The following SMIM35 variants were observed in gnomAD, a reference collection of about 807,000 sequenced individuals.
SMIM35 encodes TMPRSS4 antisense RNA 1 (non-protein coding).
At chr11:118,064,684 C>A (rs1944442640) in intron 1 of SMIM35, among the ~76,000 whole-genome samples, 1 of 151,482 alleles carries the variant, frequency 6.6e-6, no homozygotes, top group Non-Finnish European at 1.5e-5. Flanking sequence ...CGCTTTGTTG[C>A]CTAGGCTGGA....
At chr11:118,007,447 G>C (rs1384296532) in intron 4 of SMIM35, among the ~76,000 whole-genome samples, 1 of 152,098 alleles carries the variant, frequency 6.6e-6, no homozygotes, top group African/African-American at 2.4e-5. Flanking sequence ...CCAGGCTGGA[G>C]TGCAGTGGTG....
chr11:118,086,367 A>G (rs1438424528), intron 1 of SMIM35, among the ~76,000 whole-genome samples: 1 of 152,238 alleles, frequency 6.6e-6, no homozygotes, highest in African/African-American at 2.4e-5. Flanking sequence ...GCTCGGCTCA[A>G]ATTGCCAATA....
intron 1 of SMIM35, among the ~76,000 whole-genome samples, chr11:118,053,081 G>T (rs971258620): frequency 3.3e-5 from 5 of 152,154 alleles, no homozygotes; most frequent in African/African-American, 7.2e-5. Context: ...CATGACGGGT[G>T]GATTACCTGA....
chr11:118,029,318 T>A (rs1183362362), intron 1 of SMIM35, among the ~76,000 whole-genome samples: 1 of 152,202 alleles, frequency 6.6e-6, no homozygotes, highest in Non-Finnish European at 1.5e-5. Context: ...TAGCTAGGCA[T>A]GGTGGCACAC....
chr11:118,068,239 A>T (rs1163064994), intron 1 of SMIM35, among the ~76,000 whole-genome samples: 1 of 151,864 alleles, frequency 6.6e-6, no homozygotes, highest in Non-Finnish European at 1.5e-5. Flanking sequence ...TCTGGACTGG[A>T]TGCTCTTCCT....
chr11:118,025,829 G>T (rs185152205), intron 1 of SMIM35: 2 of 445,066 alleles, frequency 4.5e-6, no homozygotes, highest in Non-Finnish European at 8.9e-6. Flanking sequence ...TATTTTTGTC[G>T]TAACTGCTTT....
At chr11:118,024,470 CTGTTTTGTTT>C (rs576729622) in intron 1 of SMIM35, among the ~76,000 whole-genome samples, 1 of 151,922 alleles carries the variant, frequency 6.6e-6, no homozygotes, top group Non-Finnish European at 1.5e-5. Context: ...TTGTTTTGTT[CTGTTTTGTTT>C]TGTTTTGTTT....
chr11:118,018,123 G>A (rs1201572583), intron 1 of SMIM35, among the ~76,000 whole-genome samples: 1 of 152,160 alleles, frequency 6.6e-6, no homozygotes, highest in East Asian at 1.9e-4. Flanking sequence ...GCAGGAGCAT[G>A]CCTAGCAGGT....
At chr11:118,065,469 C>A (rs1012455747) in intron 1 of SMIM35, among the ~76,000 whole-genome samples, 1 of 152,238 alleles carries the variant, frequency 6.6e-6, no homozygotes, top group Non-Finnish European at 1.5e-5. Context: ...AAAACCCCAA[C>A]TTTCACACCT....
intron 1 of SMIM35, among the ~76,000 whole-genome samples, chr11:118,072,112 C>A (rs914452201): frequency 2.0e-5 from 3 of 152,164 alleles, no homozygotes; most frequent in African/African-American, 7.2e-5. Flanking sequence ...TGCTGGCTGG[C>A]TGGATGGATG....
At chr11:118,033,535 G>A (rs2058335709) in intron 1 of SMIM35, among the ~76,000 whole-genome samples, 1 of 151,976 alleles carries the variant, frequency 6.6e-6, no homozygotes. Flanking sequence ...TGTTGTTGTT[G>A]TTGCTTTGGC....
At chr11:118,023,442 G>A (rs2058247756) in intron 1 of SMIM35, among the ~76,000 whole-genome samples, 1 of 151,836 alleles carries the variant, frequency 6.6e-6, no homozygotes, top group Admixed American at 6.6e-5. Flanking sequence ...CCATACTGGT[G>A]TGCTGCACCC....
intron 1 of SMIM35, among the ~76,000 whole-genome samples, chr11:118,018,304 G>T (rs1354756930): frequency 1.3e-5 from 2 of 152,202 alleles, no homozygotes; most frequent in Non-Finnish European, 2.9e-5. Flanking sequence ...ATGACCCAAT[G>T]TTTTAAAAGG....
chr11:118,043,422 T>C (rs140050535), intron 1 of SMIM35, among the ~76,000 whole-genome samples: 135 of 152,246 alleles, frequency 8.9e-4, no homozygotes, highest in African/African-American at 3.2e-3. Context: ...AAAAACATTA[T>C]GCTAAGTGAA....
intron 1 of SMIM35, among the ~76,000 whole-genome samples, chr11:118,040,832 G>A (rs1181259494): frequency 2.0e-5 from 3 of 152,126 alleles, no homozygotes; most frequent in South Asian, 4.2e-4. Context: ...GGGTGGATGG[G>A]AGCAAAGCAG....
chr11:118,010,466 G>A (rs973540035), intron 4 of SMIM35, among the ~76,000 whole-genome samples: 3 of 152,122 alleles, frequency 2.0e-5, no homozygotes, highest in Non-Finnish European at 2.9e-5. Context: ...TTCTCTACTC[G>A]GCAAGTAGTC....
At chr11:118,062,773 T>C (rs1015040781) in intron 1 of SMIM35, among the ~76,000 whole-genome samples, 20 of 152,208 alleles carry the variant, frequency 1.3e-4, no homozygotes, top group African/African-American at 4.8e-4. Flanking sequence ...GTCAGAGGCA[T>C]GTGAATCACA....
chr11:118,056,360 T>C (rs1387432012), intron 1 of SMIM35, among the ~76,000 whole-genome samples: 2 of 151,896 alleles, frequency 1.3e-5, no homozygotes, highest in Admixed American at 6.6e-5. Flanking sequence ...TGGGGATCAA[T>C]TGGAGGTAGT....
chr11:118,077,883 G>A (rs1944786528), intron 1 of SMIM35, among the ~76,000 whole-genome samples: 2 of 151,882 alleles, frequency 1.3e-5, no homozygotes, highest in Admixed American at 6.6e-5. Flanking sequence ...CGTGGTGGCA[G>A]GTGCCTGTAA....
Sources: allele counts gnomAD v4.1 joint callset (sites outside exome capture counted in the v4.1 genomes callset), GRCh38; gene constraint gnomAD v4.1.1; transcripts MANE v1.5; gene names NCBI Gene and HGNC (gene_info 2026-07-23, HGNC 2026-07-21).